The following TRAF3 variants were observed in gnomAD, a reference collection of about 807,000 sequenced individuals.
TRAF3 encodes the protein TNF receptor-associated factor 3.
In TRAF3, 13 loss-of-function variants were observed where a neutral mutation model predicts 62.3. The ratio of observed to expected loss-of-function variants is 0.21; its 90% CI spans 0.14 to 0.33. The LOEUF is 0.33. TRAF3 is among the 10% of genes least tolerant of loss of function. The probability of loss-of-function intolerance (pLI) is 1.00; values close to 1 mark genes in which losing one functional copy is unlikely to be tolerated. For synonymous variants in TRAF3, 269 were observed against 283.4 expected (o/e 0.95, Z 0.51); for missense variants, 440 against 741.8 (o/e 0.59, Z 4.73).
chr14:102,830,547 G>T (rs925735773), intron 2 of TRAF3, 75 bp downstream of exon 2: 2 of 152,164 alleles, frequency 1.3e-5, no homozygotes, highest in African/African-American at 2.4e-5. Context: ...ATAACAACAG[G>T]CATCTAATTT....
intron 4 of TRAF3, among the ~76,000 whole-genome samples, chr14:102,872,303 T>A (rs549197974): frequency 6.6e-6 from 1 of 152,352 alleles, no homozygotes; most frequent in African/African-American, 2.4e-5. Flanking sequence ...GGCAGGGCTG[T>A]CTGTGGTTGG....
chr14:102,781,807 T>G (rs1364816725), intron 1 of TRAF3, among the ~76,000 whole-genome samples: 1 of 149,516 alleles, frequency 6.7e-6, no homozygotes, highest in Non-Finnish European at 1.5e-5. Context: ...TTTTTTTTTT[T>G]TTTGAGACAG....
intron 6 of TRAF3, among the ~76,000 whole-genome samples, chr14:102,882,672 A>G (rs1443508385): frequency 6.6e-6 from 1 of 151,054 alleles, no homozygotes; most frequent in Non-Finnish European, 1.5e-5. Flanking sequence ...CCTAAAGCCC[A>G]GGTCATTCTA....
chr14:102,832,217 T>C lies in TRAF3; in HGVS notation c.-18+1745T>C, dbSNP rs187823432. Among the ~76,000 whole-genome samples the C allele has an allele frequency of 1.7e-4, 26 of 152,362 alleles. No individual in the cohort carries two copies. The East Asian group carries it at 4.8e-3, about 28-fold the overall frequency. ...AAGTGTAAAGATAAACTCACAGTTA[T>C]CTTTTTTTGTGGTGAGAACACTTTA... On this transcript the variant is annotated intron_variant, in intron 2 of 11. Coordinates refer to ENST00000392745, the MANE Select transcript of TRAF3 (RefSeq NM_145725.3).
chr14:102,785,487 T>G (rs761722617), intron 1 of TRAF3, among the ~76,000 whole-genome samples: 6 of 152,246 alleles, frequency 3.9e-5, no homozygotes, highest in Admixed American at 6.5e-5. Context: ...TCATTGTGTC[T>G]TACAGGGTTT....
intron 2 of TRAF3, among the ~76,000 whole-genome samples, chr14:102,866,894 A>ACAC (rs1263265709): frequency 8.1e-6 from 1 of 123,498 alleles, no homozygotes; most frequent in Non-Finnish European, 1.7e-5. Flanking sequence ...CACACACACA[A>ACAC]AACAATGACA....
rs1890594949 is a variant in TRAF3, at chr14:102,906,595, A to C, written c.*811A>C. Reference sequence around the variant, plus strand: ...TTAATGACACGACTTCACAATTCTGAACGGAGCCTCGCTCATGGATGCTGT... The same window carrying C: ...TTAATGACACGACTTCACAATTCTGCACGGAGCCTCGCTCATGGATGCTGT... On this transcript the variant is annotated 3_prime_UTR_variant, in exon 12 of 12. Coordinates refer to ENST00000392745, the MANE Select transcript of TRAF3 (RefSeq NM_145725.3). The C allele has an allele frequency of 6.6e-6, 1 of 152,262 alleles. No homozygotes were observed. Among genetic ancestry groups the C allele is most frequent in the Non-Finnish European group, 1.5e-5 (1 of 68,048 alleles). 9.4% of individuals were successfully genotyped at this position (152,262 alleles called of 1,614,324 possible).
At chr14:102,816,715 G>A (rs1243956596) in intron 1 of TRAF3, among the ~76,000 whole-genome samples, 1 of 152,104 alleles carries the variant, frequency 6.6e-6, no homozygotes, top group Non-Finnish European at 1.5e-5. Flanking sequence ...TTCTTGATTC[G>A]ATTCTCTGTT....
At chr14:102,806,665 G>C (rs1898791661) in intron 1 of TRAF3, among the ~76,000 whole-genome samples, 1 of 152,124 alleles carries the variant, frequency 6.6e-6, no homozygotes, top group African/African-American at 2.4e-5. Flanking sequence ...GTAGTCATGA[G>C]GCCTGTGTTC....
chr14:102,835,922 T>A (rs900995759), intron 2 of TRAF3, among the ~76,000 whole-genome samples: 3 of 151,816 alleles, frequency 2.0e-5, no homozygotes, highest in Admixed American at 2.0e-4. Flanking sequence ...TAAAAAAAAA[T>A]AATTTGGGCA....
At chr14:102,796,879 A>G (rs1186676715) in intron 1 of TRAF3, among the ~76,000 whole-genome samples, 1 of 152,224 alleles carries the variant, frequency 6.6e-6, no homozygotes, top group African/African-American at 2.4e-5. Context: ...CCTGTGAGAT[A>G]GCATAAGGGA....
chr14:102,901,396 G>A (rs1324581212), intron 10 of TRAF3, among the ~76,000 whole-genome samples: 1 of 152,146 alleles, frequency 6.6e-6, no homozygotes, highest in Non-Finnish European at 1.5e-5. Flanking sequence ...TGTTGATCAG[G>A]TTTTCATTAA....
At chr14:102,858,179 T>G (rs1887484416) in intron 2 of TRAF3, among the ~76,000 whole-genome samples, 1 of 151,414 alleles carries the variant, frequency 6.6e-6, no homozygotes, top group Admixed American at 6.6e-5. Context: ...CTTGAGACAG[T>G]CTCACTCTGT....
chr14:102,811,881 A>G (rs1181530742), intron 1 of TRAF3, among the ~76,000 whole-genome samples: 1 of 125,346 alleles, frequency 8.0e-6, no homozygotes, highest in Non-Finnish European at 1.6e-5. Context: ...CCGAGTAGCT[A>G]GGACTGTAGG....
chr14:102,891,187 CAG>C (rs767905703), intron 8 of TRAF3, 136 bp from the exon 9 acceptor site: 23 of 830,834 alleles, frequency 2.8e-5, no homozygotes, highest in Non-Finnish European at 3.5e-5. Flanking sequence ...TCCTTAGGCG[CAG>C]AGATTCCCTG....
At chr14:102,827,993 C>T (rs778212449) in intron 1 of TRAF3, among the ~76,000 whole-genome samples, 26 of 152,226 alleles carry the variant, frequency 1.7e-4, no homozygotes, top group Admixed American at 2.6e-4. Flanking sequence ...TGCAGATTCC[C>T]GCAGGGCGTA....
intron 1 of TRAF3, among the ~76,000 whole-genome samples, chr14:102,802,606 A>T (rs1898510978): frequency 6.6e-6 from 1 of 151,112 alleles, no homozygotes; most frequent in South Asian, 2.1e-4. Context: ...AGGTGGGAGG[A>T]TCATGAGGTC....
intron 1 of TRAF3, among the ~76,000 whole-genome samples, chr14:102,786,690 A>T (rs34996610): frequency 0.28 from 42,375 of 152,090 alleles, 6,481 homozygotes; most frequent in Non-Finnish European, 0.35. Flanking sequence ...TGTCTAAAAA[A>T]AAAACGAGCC....
At chr14:102,818,202 G>A (rs2139560861) in intron 1 of TRAF3, among the ~76,000 whole-genome samples, 1 of 152,278 alleles carries the variant, frequency 6.6e-6, no homozygotes, top group East Asian at 1.9e-4. Context: ...GGGTGGTTTG[G>A]GTGAGCTGGG....
Sources: allele counts gnomAD v4.1 joint callset (sites outside exome capture counted in the v4.1 genomes callset), GRCh38; gene constraint gnomAD v4.1.1; transcripts MANE v1.5; gene names NCBI Gene and HGNC (gene_info 2026-07-23, HGNC 2026-07-21).